Variants in CD96 observed in about 807,000 individuals in gnomAD.
CD96 encodes CD96 molecule.
In CD96, 70 loss-of-function variants were observed where a neutral mutation model predicts 71.3. That is an observed-to-expected ratio of 0.98 (90% CI 0.81 to 1.20). The LOEUF (loss-of-function observed/expected upper bound fraction) is 1.20, where lower values mean the gene tolerates loss of function less well. CD96 is among the 50% of genes most tolerant of loss of function. The pLI is 0.00. For missense variants in CD96, 742 were observed against 677.5 expected (o/e 1.10, Z -1.06); for synonymous variants, 248 against 233.0 (o/e 1.06, Z -0.59).
At chr3:111,591,649 C>T (rs116109225) in intron 5 of CD96, among the ~76,000 whole-genome samples, 236 of 152,258 alleles carry the variant, frequency 1.5e-3, no homozygotes, top group African/African-American at 5.1e-3. Context: ...AATGTCCAGC[C>T]GTCGTCACTT....
At chr3:111,598,497 A>G (rs1176461580) in intron 6 of CD96, among the ~76,000 whole-genome samples, 1 of 152,232 alleles carries the variant, frequency 6.6e-6, no homozygotes, top group Non-Finnish European at 1.5e-5. Flanking sequence ...ATGAGGACAA[A>G]AAGTTTAAGT....
intron 8 of CD96, among the ~76,000 whole-genome samples, chr3:111,615,292 A>C (rs1185963999): frequency 6.6e-6 from 1 of 152,226 alleles, no homozygotes; most frequent in East Asian, 1.9e-4. Flanking sequence ...TGGAAGATAA[A>C]CACTGAGTTC....
intron 6 of CD96, among the ~76,000 whole-genome samples, chr3:111,599,070 G>A (rs190315622): frequency 1.3e-5 from 2 of 152,014 alleles, no homozygotes; most frequent in Non-Finnish European, 1.5e-5. Context: ...CCGGGTTCAC[G>A]CCATTCTCCT....
At chr3:111,639,029 G>C (rs77379164) in intron 12 of CD96, among the ~76,000 whole-genome samples, 1,619 of 152,278 alleles carry the variant, frequency 0.011, 36 homozygotes, top group African/African-American at 0.036. Flanking sequence ...GCAAGAATGA[G>C]GGATCATGGC....
chr3:111,605,923 ATCT>A (rs1937610720), intron 7 of CD96, among the ~76,000 whole-genome samples: 1 of 152,180 alleles, frequency 6.6e-6, no homozygotes, highest in South Asian at 2.1e-4. Context: ...AAATCATAAA[ATCT>A]TCTAACTTCA....
At chr3:111,563,768 G>T (rs1001656952) in intron 2 of CD96, among the ~76,000 whole-genome samples, 1 of 151,862 alleles carries the variant, frequency 6.6e-6, no homozygotes, top group Non-Finnish European at 1.5e-5. Context: ...TATATTCTTA[G>T]TGCTAAAGGT....
chr3:111,646,144 T>C (rs1388943239), intron 12 of CD96, among the ~76,000 whole-genome samples: 1 of 152,056 alleles, frequency 6.6e-6, no homozygotes, highest in African/African-American at 2.4e-5. Flanking sequence ...TCGAAATACC[T>C]AAAGACCTAT....
chr3:111,643,610 G>C (rs1398103511), intron 12 of CD96, among the ~76,000 whole-genome samples: 1 of 151,630 alleles, frequency 6.6e-6, no homozygotes, highest in Non-Finnish European at 1.5e-5. Flanking sequence ...TCCTAGAACT[G>C]ATAAAAGAAT....
At chr3:111,638,011 C>T in intron 11 of CD96, 68 bp from the exon 12 acceptor site, 1 of 859,072 alleles carries the variant, frequency 1.2e-6, no homozygotes, top group Non-Finnish European at 2.0e-6. Context: ...ATATGAAACC[C>T]AATCATGGTT....
intron 1 of CD96, among the ~76,000 whole-genome samples, chr3:111,543,508 T>C (rs901315311): frequency 7.9e-5 from 12 of 152,214 alleles, no homozygotes; most frequent in Non-Finnish European, 1.5e-4. Flanking sequence ...TTTCTTACTC[T>C]AATCAACTAG....
intron 2 of CD96, among the ~76,000 whole-genome samples, chr3:111,563,106 G>A (rs564090517): frequency 2.8e-4 from 42 of 152,320 alleles, no homozygotes; most frequent in African/African-American, 8.4e-4. Flanking sequence ...GAATTAACTC[G>A]CCCTTTTATA....
At chr3:111,617,412 A>G (rs1295747261) in intron 8 of CD96, among the ~76,000 whole-genome samples, 2 of 152,198 alleles carry the variant, frequency 1.3e-5, no homozygotes, top group African/African-American at 2.4e-5. Context: ...ATGGCCATCT[A>G]TGGACCAATC....
At chr3:111,624,463 T>C in intron 10 of CD96, 59 bp downstream of exon 10, 1 of 927,760 alleles carries the variant, frequency 1.1e-6, no homozygotes. Flanking sequence ...ATCCGACAGA[T>C]ATATTGAACG....
intron 8 of CD96, chr3:111,612,865 T>C (rs1938023709): frequency 4.1e-6 from 4 of 968,022 alleles, no homozygotes; most frequent in Non-Finnish European, 4.9e-6. Flanking sequence ...AGAGTGAAGA[T>C]AACATTTCCT....
intron 2 of CD96, among the ~76,000 whole-genome samples, chr3:111,567,192 G>A (rs1326436903): frequency 1.3e-5 from 2 of 152,164 alleles, no homozygotes; most frequent in African/African-American, 4.8e-5. Context: ...AGGTTATGAA[G>A]TTTTGTATTC....
In CD96 at chr3:111,572,966, A is replaced by G. The variant is rs141901662; in HGVS notation, c.543+5319A>G. Among the ~76,000 whole-genome samples the G allele has an allele frequency of 6.7e-3, 1,018 of 152,322 alleles. 13 individuals carry two copies. The highest frequency in any genetic ancestry group is 0.023 in the African/African-American group (959 of 41,562). On this transcript the variant is annotated intron_variant, in intron 3 of 13. Transcript: ENST00000352690. Reference sequence around the variant, plus strand: ...ACTGAGGTAGACGGGCATCAGGTGCAAATGGACAGTGTATCTAACATTCAT... The same window carrying G: ...ACTGAGGTAGACGGGCATCAGGTGCGAATGGACAGTGTATCTAACATTCAT...
At chr3:111,567,794 G>A in intron 3 of CD96, 147 bp downstream of exon 3, 1 of 752,976 alleles carries the variant, frequency 1.3e-6, no homozygotes, top group South Asian at 1.5e-5. Flanking sequence ...GGGAAGGAAG[G>A]AGAGGTCACT....
downstream of CD96, among the ~76,000 whole-genome samples, chr3:111,655,511 T>C (rs111258865): frequency 8.9e-4 from 135 of 152,158 alleles, 3 homozygotes; most frequent in African/African-American, 3.2e-3. Flanking sequence ...ATATGAGAAA[T>C]ACTTTTAAAG....
At chr3:111,657,678 T>A (rs915657981) in intron 14 of CD96, among the ~76,000 whole-genome samples, 6 of 152,040 alleles carry the variant, frequency 3.9e-5, no homozygotes, top group Non-Finnish European at 7.4e-5. Flanking sequence ...AAGGAACATA[T>A]AAATATGGAA....
Sources: allele counts gnomAD v4.1 joint callset (sites outside exome capture counted in the v4.1 genomes callset), GRCh38; gene constraint gnomAD v4.1.1; transcripts MANE v1.5; gene names NCBI Gene and HGNC (gene_info 2026-07-23, HGNC 2026-07-21).